The following MTAP variants were observed in gnomAD, a reference collection of about 807,000 sequenced individuals.
MTAP encodes the protein methylthioadenosine phosphorylase.
Under a neutral mutation model 33.6 loss-of-function variants are expected in MTAP, and 33 were observed. The observed-to-expected ratio is 0.98, with a 90% confidence interval of 0.74 to 1.31. The LOEUF is 1.31. Ranked by LOEUF, MTAP falls within the 40% of genes most tolerant of loss-of-function variation. MTAP has a pLI of 0.00. For missense variants in MTAP, 367 were observed against 360.0 expected, an observed-to-expected ratio of 1.02 and a Z score of -0.16; for synonymous variants, 148 against 125.7, an observed-to-expected ratio of 1.18 and a Z score of -1.19.
At chr9:21,805,475 G>A (rs1019546583) in intron 1 of MTAP, among the ~76,000 whole-genome samples, 1 of 152,236 alleles carries the variant, frequency 6.6e-6, no homozygotes, top group African/African-American at 2.4e-5. Flanking sequence ...TGAAACAGCA[G>A]TAAGATTCCA....
intron 4 of MTAP, among the ~76,000 whole-genome samples, chr9:21,833,232 C>G (rs1169436394): frequency 2.6e-5 from 4 of 152,162 alleles, no homozygotes; most frequent in Non-Finnish European, 5.9e-5. Context: ...CTCGCCCAAG[C>G]TGGAGTACAG....
rs572392572 is a variant in MTAP, at chr9:21,929,473, G to T, written c.148-1535G>T. 1.9e-4 allele frequency: 40 copies of T among 215,350 alleles called. 1 individual carries two copies. Among genetic ancestry groups the T allele is most frequent in the African/African-American group, 8.6e-4 (39 of 45,236 alleles). The allele number at this position is 215,350 out of a possible 1,614,324, so 13.3% of individuals were successfully genotyped here. On this transcript the variant is annotated intron_variant, in intron 1 of 1. Transcript: ENST00000577563. Reference sequence around the variant, plus strand: ...GGTCACCATGGCTCTGCTCCTGTTGGTTCTCATACTCAACGCTTTACTGGC... The same window carrying T: ...GGTCACCATGGCTCTGCTCCTGTTGTTTCTCATACTCAACGCTTTACTGGC...
intron 4 of MTAP, among the ~76,000 whole-genome samples, 182 bp from the exon 5 acceptor site, chr9:21,837,725 CA>C (rs979321417): frequency 6.6e-6 from 1 of 152,000 alleles, no homozygotes; most frequent in Non-Finnish European, 1.5e-5. Context: ...AGCCCAGAGC[CA>C]AAAAAGCGGA....
chr9:21,881,516 A>C (rs1818010706), intron 1 of MTAP, among the ~76,000 whole-genome samples: 1 of 152,108 alleles, frequency 6.6e-6, no homozygotes, highest in South Asian at 2.1e-4. Context: ...AATATCCAGA[A>C]TATGAAAAGA....
chr9:21,935,897 T>C (rs1819034778), downstream of MTAP: 1 of 152,188 alleles, frequency 6.6e-6, no homozygotes, highest in Non-Finnish European at 1.5e-5. Context: ...CTATGGCATG[T>C]TGGATCATTT....
chr9:21,847,969 G>C (rs908567195), intron 5 of MTAP, among the ~76,000 whole-genome samples: 3 of 152,204 alleles, frequency 2.0e-5, no homozygotes, highest in Non-Finnish European at 4.4e-5. Context: ...GGAGGACCCT[G>C]ATGAAGCTGG....
intron 1 of MTAP, among the ~76,000 whole-genome samples, chr9:21,896,551 G>A (rs1022088295): frequency 1.3e-5 from 2 of 151,916 alleles, no homozygotes; most frequent in African/African-American, 4.8e-5. Flanking sequence ...ATGATAAAGG[G>A]GATATCACCA....
rs543561039 is a variant in MTAP at position 21,837,364 on chromosome 9, G to A, written c.348-544G>A. On this transcript the variant is annotated intron_variant, in intron 4 of 7. Coordinates refer to ENST00000644715, the MANE Select transcript of MTAP (RefSeq NM_002451.4). ...AAATGCAAGGTAAGTACCTTGTTTG[G>A]ACCCTGAAACTAACAAAGCAACTGT... 2.1e-3 allele frequency among the ~76,000 whole-genome samples: 314 copies of A among 152,278 alleles called. 3 individuals are homozygous for A. The highest frequency in any genetic ancestry group is 3.5e-3 in the Non-Finnish European group (240 of 68,014).
At chr9:21,803,064 C>CACACACACACACACACACA in intron 1 of MTAP, 1 of 853,808 alleles carries the variant, frequency 1.2e-6, no homozygotes, top group South Asian at 2.5e-5. Flanking sequence ...TGCACCCGCA[C>CACACACACACACACACACA]CCTGTAGGGC....
At chr9:21,805,717 C>G (rs1824191698) in intron 1 of MTAP, among the ~76,000 whole-genome samples, 2 of 152,210 alleles carry the variant, frequency 1.3e-5, no homozygotes, top group Non-Finnish European at 2.9e-5. Context: ...TGAGAGGACA[C>G]CATCTATGAG....
intron 3 of MTAP, among the ~76,000 whole-genome samples, chr9:21,817,504 G>A (rs1049540733): frequency 6.6e-6 from 1 of 151,984 alleles, no homozygotes; most frequent in African/African-American, 2.4e-5. Flanking sequence ...GAAGTTACAG[G>A]GCGGAGGCCT....
chr9:21,876,634 C>A (rs1826013433), intron 1 of MTAP, among the ~76,000 whole-genome samples: 5 of 152,016 alleles, frequency 3.3e-5, no homozygotes, highest in Admixed American at 3.3e-4. Flanking sequence ...GAATCTTTTC[C>A]CCATTGCTTG....
At chr9:21,847,228 T>C (rs1825405718) in intron 5 of MTAP, among the ~76,000 whole-genome samples, 1 of 152,186 alleles carries the variant, frequency 6.6e-6, no homozygotes, top group African/African-American at 2.4e-5. Context: ...AGACGGCCTA[T>C]TGTGGGACCT....
In MTAP at chr9:21,873,171, G is replaced by GA. The variant is rs796132597; in HGVS notation, c.147+18309dup. ...ATTCTGAATATTGTGTTTTAAGTTGGAAAAAAAAGTTACATAAAATGTATT... is the reference window on the plus strand; with the variant it reads ...ATTCTGAATATTGTGTTTTAAGTTGGAAAAAAAAAGTTACATAAAATGTATT... On this transcript the variant is annotated intron_variant, in intron 1 of 1. Coordinates refer to the MTAP transcript ENST00000577563. Among the ~76,000 whole-genome samples the GA allele has an allele frequency of 1.8e-4, 27 of 151,890 alleles. 1 individual carries two copies. Among genetic ancestry groups the GA allele is most frequent in the African/African-American group, 5.8e-4 (24 of 41,458 alleles).
At chr9:21,914,967 C>A (rs1473483456) in intron 1 of MTAP, among the ~76,000 whole-genome samples, 1 of 151,258 alleles carries the variant, frequency 6.6e-6, no homozygotes, top group African/African-American at 2.4e-5. Flanking sequence ...CAAGGTACAT[C>A]CATAGTGTAG....
At chr9:21,844,419 A>G (rs1825326075) in intron 5 of MTAP, among the ~76,000 whole-genome samples, 2 of 152,166 alleles carry the variant, frequency 1.3e-5, no homozygotes, top group African/African-American at 4.8e-5. Flanking sequence ...AGAAAAGAAC[A>G]TAATAAAAAA....
Position 21,802,709 on chromosome 9 carries a change from C to T in MTAP, c.-40C>T, listed in dbSNP as rs376148276. The T allele has an allele frequency of 1.3e-4, 203 of 1,606,392 alleles. 4 individuals carry two copies. The South Asian group carries it at 1.9e-3, about 15-fold the overall frequency. ...TGTGGCTCGCTTGGTTCCCTTAGTC[C>T]CGAGCGCTCGCCCACTGCAGATTCC... is the stretch of plus-strand genomic sequence containing the variant. On this transcript the variant is annotated 5_prime_UTR_variant, in exon 1 of 8. Coordinates refer to ENST00000644715, the MANE Select transcript of MTAP (RefSeq NM_002451.4).
intron 1 of MTAP, among the ~76,000 whole-genome samples, chr9:21,898,892 C>T (rs1439410870): frequency 6.6e-6 from 1 of 151,976 alleles, no homozygotes; most frequent in Non-Finnish European, 1.5e-5. Flanking sequence ...GGTATATACC[C>T]AAAGGATTAT....
chr9:21,926,842 C>G (rs1818877244), intron 1 of MTAP, among the ~76,000 whole-genome samples: 1 of 152,078 alleles, frequency 6.6e-6, no homozygotes, highest in Non-Finnish European at 1.5e-5. Context: ...AGGTTTAATA[C>G]CTGGGGATAA....
Sources: gnomAD v4.1 joint callset for allele counts (sites outside exome capture counted in the v4.1 genomes callset) on GRCh38, gnomAD v4.1.1 for gene constraint, MANE v1.5 for transcripts, NCBI Gene and HGNC (gene_info 2026-07-23, HGNC 2026-07-21) for gene names.